Variants in ENTPD1 observed in about 807,000 individuals in gnomAD.
The protein encoded by ENTPD1 is ectonucleoside triphosphate diphosphohydrolase 1.
ENTPD1 carries 33 observed loss-of-function variants against 57.0 expected under a neutral mutation model. The ratio of observed to expected loss-of-function variants is 0.58; its 90% confidence interval spans 0.44 to 0.77. The LOEUF (loss-of-function observed/expected upper bound fraction) is 0.77, where lower values mean the gene tolerates loss of function less well. Ranked by LOEUF, ENTPD1 falls within the 30% of genes least tolerant of loss-of-function variation. ENTPD1 has a pLI of 0.00. For synonymous variants in ENTPD1, 202 were observed against 218.8 expected (o/e 0.92, Z 0.68); for missense variants, 501 against 603.4 (o/e 0.83, Z 1.78).
the ENTPD1 span, among the ~76,000 whole-genome samples, chr10:95,695,414 T>C: frequency 6.6e-6 from 1 of 152,228 alleles, no homozygotes. Flanking sequence ...TAAAATCTAG[T>C]ACACTTACCT....
intron 1 of ENTPD1, among the ~76,000 whole-genome samples, chr10:95,769,536 G>A (rs2098106550): frequency 6.6e-6 from 1 of 152,236 alleles, no homozygotes. Flanking sequence ...CATCCTGCAG[G>A]CCACTGTATA....
At chr10:95,771,967 G>A (rs35700869) in intron 1 of ENTPD1, among the ~76,000 whole-genome samples, 13,163 of 152,142 alleles carry the variant, frequency 0.087, 699 homozygotes, top group Middle Eastern at 0.16. Context: ...AGGAAGTAAC[G>A]TGATTAAAAG....
At chr10:95,760,695 A>G (rs2098054467) in intron 1 of ENTPD1, among the ~76,000 whole-genome samples, 1 of 151,918 alleles carries the variant, frequency 6.6e-6, no homozygotes, top group African/African-American at 2.4e-5. Context: ...CGCTCTTTAT[A>G]ACTGGTAATG....
At chr10:95,785,442 C>G (rs193194285) in intron 1 of ENTPD1, among the ~76,000 whole-genome samples, 1 of 152,208 alleles carries the variant, frequency 6.6e-6, no homozygotes, top group Non-Finnish European at 1.5e-5. Flanking sequence ...TGAGATAATG[C>G]AAGTCCAGCC....
At chr10:95,821,653 G>C (rs2098351909) in intron 1 of ENTPD1, among the ~76,000 whole-genome samples, 1 of 152,184 alleles carries the variant, frequency 6.6e-6, no homozygotes, top group Admixed American at 6.5e-5. Flanking sequence ...GCTCTTCCTT[G>C]TTTGGAAGCA....
intron 1 of ENTPD1, among the ~76,000 whole-genome samples, chr10:95,769,188 C>T (rs1358694913): frequency 6.6e-6 from 1 of 152,180 alleles, no homozygotes; most frequent in Non-Finnish European, 1.5e-5. Context: ...ATATGGTTGT[C>T]CAGAGGCATA....
intron 1 of ENTPD1, among the ~76,000 whole-genome samples, chr10:95,712,388 C>G (rs1017136206): frequency 1.3e-4 from 20 of 152,142 alleles, no homozygotes; most frequent in Non-Finnish European, 2.8e-4. Context: ...AGATGAAGTT[C>G]TCCTATTGTC....
At chr10:95,835,486 T>C (rs951475703) in intron 2 of ENTPD1, among the ~76,000 whole-genome samples, 5 of 152,186 alleles carry the variant, frequency 3.3e-5, no homozygotes, top group African/African-American at 1.2e-4. Flanking sequence ...AAATGGCAAT[T>C]CTATTTTTAG....
At chr10:95,853,481 G>T (rs1315896915) in intron 7 of ENTPD1, among the ~76,000 whole-genome samples, 1 of 152,140 alleles carries the variant, frequency 6.6e-6, no homozygotes, top group Non-Finnish European at 1.5e-5. Context: ...GAATAGGAGT[G>T]GTGAGAGAGG....
chr10:95,734,617 G>A (rs535064245), intron 1 of ENTPD1, among the ~76,000 whole-genome samples: 49 of 152,304 alleles, frequency 3.2e-4, no homozygotes, highest in African/African-American at 9.4e-4. Flanking sequence ...TGCTTGCTCC[G>A]ATTTCATAAC....
At chr10:95,840,528 G>A (rs1172915836) in intron 3 of ENTPD1, among the ~76,000 whole-genome samples, 1 of 152,096 alleles carries the variant, frequency 6.6e-6, no homozygotes, top group Non-Finnish European at 1.5e-5. Flanking sequence ...GCTGGGAAAA[G>A]GAACTTACAG....
intron 1 of ENTPD1, among the ~76,000 whole-genome samples, chr10:95,804,986 C>T (rs1347625653): frequency 6.6e-6 from 1 of 152,052 alleles, no homozygotes; most frequent in Non-Finnish European, 1.5e-5. Flanking sequence ...ATGGAGAGTT[C>T]TGTAGATGTC....
chr10:95,722,270 TG>T (rs1343443061), intron 1 of ENTPD1, among the ~76,000 whole-genome samples: 2 of 151,596 alleles, frequency 1.3e-5, no homozygotes, highest in East Asian at 1.9e-4. Context: ...ATTGTTTTTT[TG>T]TTTTTTTTTA....
intron 7 of ENTPD1, among the ~76,000 whole-genome samples, chr10:95,856,677 C>A (rs1386524126): frequency 7.1e-6 from 1 of 140,844 alleles, no homozygotes; most frequent in African/African-American, 2.6e-5. Flanking sequence ...TATATACACA[C>A]ACATAAATGT....
chr10:95,855,783 A>G (rs796710994), intron 7 of ENTPD1, among the ~76,000 whole-genome samples: 4 of 152,194 alleles, frequency 2.6e-5, no homozygotes, highest in African/African-American at 9.7e-5. Context: ...CTTCTGGCTT[A>G]TAGAGTTTCT....
At chr10:95,778,317 T>C (rs1358207852) in intron 1 of ENTPD1, among the ~76,000 whole-genome samples, 1 of 152,200 alleles carries the variant, frequency 6.6e-6, no homozygotes, top group African/African-American at 2.4e-5. Flanking sequence ...AAAAGAAAAC[T>C]GACAAGACCC....
intron 1 of ENTPD1, among the ~76,000 whole-genome samples, chr10:95,735,491 T>G (rs2139860831): frequency 6.6e-6 from 1 of 152,358 alleles, no homozygotes; most frequent in African/African-American, 2.4e-5. Context: ...GATAAGTTAT[T>G]TGTAACAGTA....
intron 1 of ENTPD1, chr10:95,712,042 A>T (rs1256222597): frequency 3.1e-6 from 5 of 1,610,586 alleles, no homozygotes; most frequent in African/African-American, 1.3e-5. Context: ...CCTCTGTGGA[A>T]TCTGGTAGAG....
At chr10:95,845,857 G>A (rs370853511) in intron 6 of ENTPD1, 17 of 533,804 alleles carry the variant, frequency 3.2e-5, no homozygotes, top group African/African-American at 1.5e-4. Flanking sequence ...TCTCCCCCTC[G>A]TGGGGTTGAT....
Sources: allele counts gnomAD v4.1 joint callset (sites outside exome capture counted in the v4.1 genomes callset), GRCh38; gene constraint gnomAD v4.1.1; transcripts MANE v1.5; gene names NCBI Gene and HGNC (gene_info 2026-07-23, HGNC 2026-07-21).